Variants in RPRD2 observed in about 807,000 individuals in gnomAD.
The protein encoded by RPRD2 is regulation of nuclear pre-mRNA domain containing 2.
Under a neutral mutation model 104.4 loss-of-function variants are expected in RPRD2, and 12 were observed. The ratio of observed to expected loss-of-function variants is 0.11; its 90% CI spans 0.07 to 0.19. The LOEUF (loss-of-function observed/expected upper bound fraction) is 0.19, where lower values mean the gene tolerates loss of function less well. RPRD2 is among the 10% of genes least tolerant of loss of function. RPRD2 has a pLI of 1.00. For synonymous variants in RPRD2, 714 were observed against 684.9 expected (o/e 1.04, Z -0.66); for missense variants, 1,543 against 1,790.1 (o/e 0.86, Z 2.49).
intron 2 of RPRD2, among the ~76,000 whole-genome samples, chr1:150,438,076 G>GT (rs782500679): frequency 7.3e-5 from 11 of 150,290 alleles, no homozygotes; most frequent in Non-Finnish European, 1.6e-4. Flanking sequence ...GAGGTCAGGA[G>GT]TTTGAGACCA....
chr1:150,459,987 AC>A (rs1667814081), intron 8 of RPRD2, 72 bp from the exon 9 acceptor site: 5 of 1,401,954 alleles, frequency 3.6e-6, no homozygotes, highest in Non-Finnish European at 4.9e-6. Context: ...AAATATTAGG[AC>A]ATGTTATTTC....
rs1422574928 is a variant in RPRD2 at position 150,471,100 on chromosome 1, G to A, written c.2152G>A (p.Asp718Asn). The A allele has an allele frequency of 4.3e-6, 7 of 1,613,690 alleles. No homozygotes were observed. In the African/African-American group the frequency reaches 5.3e-5, roughly 12 times the overall value. Residue 718 changes from aspartate to asparagine, a missense_variant, in exon 11 of 11, where the codon GAC becomes AAC. Asp to Asn is a conservative substitution (Grantham distance 23, BLOSUM62 1). Around this residue, in one of 4 missense-constraint regions of RPRD2, gnomAD observed 572 missense variants for 787.3 expected, o/e 0.73. Transcript: ENST00000369068. This position sits in a 1 kb window ranked among gnomAD's most constrained non-coding sequence, Gnocchi z 5.3. ...FQRGPTSTSI[D>N]NIDGTPVRDE... is the part of the protein sequence containing the mutation. ...GCGTGGCCCTACTAGCACCTCAATCGACAACATTGATGGAACCCCTGTACG... is the reference window on the plus strand; with the variant it reads ...GCGTGGCCCTACTAGCACCTCAATCAACAACATTGATGGAACCCCTGTACG...
intron 2 of RPRD2, among the ~76,000 whole-genome samples, chr1:150,422,367 T>TAATAATAATAAA (rs1407375626): frequency 8.9e-4 from 100 of 111,980 alleles, no homozygotes; most frequent in Non-Finnish European, 1.4e-3. Context: ...ATAATAATAA[T>TAATAATAATAAA]AAATAAAATT....
intron 1 of RPRD2, among the ~76,000 whole-genome samples, chr1:150,401,739 T>C (rs1572400620): frequency 7.2e-6 from 1 of 137,962 alleles, no homozygotes; most frequent in Non-Finnish European, 1.6e-5. Flanking sequence ...CGCCTCCTGG[T>C]TTCACGCCCT....
At chr1:150,466,967 C>G (rs1668321385) in intron 10 of RPRD2, among the ~76,000 whole-genome samples, 1 of 152,138 alleles carries the variant, frequency 6.6e-6, no homozygotes, top group Admixed American at 6.6e-5. Flanking sequence ...GTTGTCTCAA[C>G]TGGGGTAATG....
At chr1:150,438,522 C>T (rs1344372820) in intron 2 of RPRD2, among the ~76,000 whole-genome samples, 5 of 150,464 alleles carry the variant, frequency 3.3e-5, no homozygotes, top group South Asian at 2.1e-4. Flanking sequence ...CCAGCTACCC[C>T]GGAGGCGGAG....
chr1:150,397,208 A>G (rs1194910530), intron 1 of RPRD2, among the ~76,000 whole-genome samples: 1 of 152,134 alleles, frequency 6.6e-6, no homozygotes, highest in East Asian at 1.9e-4. Flanking sequence ...TCCTGACCTC[A>G]CATGATCCAC....
chr1:150,380,682 GTCTC>G (rs587688954), intron 1 of RPRD2, among the ~76,000 whole-genome samples: 2 of 151,576 alleles, frequency 1.3e-5, no homozygotes, highest in African/African-American at 4.9e-5. Context: ...TTGGGACGGA[GTCTC>G]TCTCTGTCGC....
At chr1:150,410,903 CACAGACTAGAGT>C (rs1400742485) in intron 1 of RPRD2, among the ~76,000 whole-genome samples, 1 of 152,196 alleles carries the variant, frequency 6.6e-6, no homozygotes, top group African/African-American at 2.4e-5. Flanking sequence ...TAGTCTGTCA[CACAGACTAGAGT>C]ACAGTGGGGC....
chr1:150,451,549 C>T (rs1003058365), intron 7 of RPRD2, among the ~76,000 whole-genome samples: 3 of 151,896 alleles, frequency 2.0e-5, no homozygotes, highest in Non-Finnish European at 4.4e-5. Flanking sequence ...GTGGCAGGCA[C>T]CTGTAGTCCC....
At chr1:150,380,393 A>ATT (rs59245682) in intron 1 of RPRD2, among the ~76,000 whole-genome samples, 3 of 148,680 alleles carry the variant, frequency 2.0e-5, no homozygotes, top group Non-Finnish European at 4.5e-5. Flanking sequence ...ATATTACCCT[A>ATT]TTTTTTTTTG....
chr1:150,448,069 AC>A (rs1666913914), intron 7 of RPRD2, among the ~76,000 whole-genome samples: 1 of 152,190 alleles, frequency 6.6e-6, no homozygotes, highest in African/African-American at 2.4e-5. Context: ...TAGACTCCCT[AC>A]TTCGTAAAAT....
At chr1:150,374,668 C>T (rs187374413) in intron 1 of RPRD2, among the ~76,000 whole-genome samples, 6 of 152,256 alleles carry the variant, frequency 3.9e-5, no homozygotes, top group Admixed American at 3.9e-4. Flanking sequence ...GGGGAGAACT[C>T]TCATACATTT....
At chr1:150,434,655 A>C (rs1229716641) in intron 2 of RPRD2, among the ~76,000 whole-genome samples, 2 of 152,004 alleles carry the variant, frequency 1.3e-5, no homozygotes, top group Non-Finnish European at 2.9e-5. Context: ...GTCTCTACCA[A>C]AAATACAAAA....
At chr1:150,374,729 T>G (rs1007316889) in intron 1 of RPRD2, among the ~76,000 whole-genome samples, 18 of 152,150 alleles carry the variant, frequency 1.2e-4, no homozygotes, top group Admixed American at 4.6e-4. Context: ...GAAAAGCACT[T>G]TTAAGTTTGT....
At chr1:150,470,536 A>AC (rs1465484327) in intron 10 of RPRD2, 25 bp from the exon 11 acceptor site, 2 of 1,596,074 alleles carry the variant, frequency 1.3e-6, no homozygotes, top group African/African-American at 2.7e-5. Flanking sequence ...GTTCTTTTTA[A>AC]CCCCTCTAAT....
At chr1:150,393,937 T>TAA (rs1245779238) in intron 1 of RPRD2, among the ~76,000 whole-genome samples, 4 of 151,270 alleles carry the variant, frequency 2.6e-5, no homozygotes, top group Admixed American at 2.0e-4. Flanking sequence ...TAACAGTATA[T>TAA]AAAAAAAAAC....
At chr1:150,433,881 A>G (rs1665817493) in intron 2 of RPRD2, among the ~76,000 whole-genome samples, 1 of 115,224 alleles carries the variant, frequency 8.7e-6, no homozygotes, top group African/African-American at 4.5e-5. Flanking sequence ...ATATATAGTT[A>G]TATTATGTGT....
intron 1 of RPRD2, among the ~76,000 whole-genome samples, chr1:150,377,063 T>C (rs1164972332): frequency 1.3e-5 from 2 of 150,730 alleles, no homozygotes; most frequent in South Asian, 2.1e-4. Flanking sequence ...ATACAAAAAT[T>C]AGCTGAGCGT....
Sources: gnomAD v4.1 joint callset for allele counts (sites outside exome capture counted in the v4.1 genomes callset) on GRCh38, gnomAD v4.1.1 for gene constraint, gnomAD v4.1.1 regional missense constraint, Gnocchi (gnomAD v3.1) non-coding constraint, MANE v1.5 for transcripts, NCBI Gene and HGNC (gene_info 2026-07-23, HGNC 2026-07-21) for gene names.